The following PKD1 variants were observed in gnomAD, a reference collection of about 807,000 sequenced individuals.
The protein encoded by PKD1 is polycystin 1, transient receptor potential channel interacting.
PKD1 carries 81 observed loss-of-function variants against 361.7 expected under a neutral mutation model. That is an observed-to-expected ratio of 0.22 (90% CI 0.19 to 0.27). The LOEUF (loss-of-function observed/expected upper bound fraction) is 0.27, where lower values mean the gene tolerates loss of function less well. Among genes scored for constraint, PKD1 ranks in the 10% least tolerant of loss-of-function variants. PKD1 has a pLI of 1.00. For synonymous variants in PKD1, 3,615 were observed against 2,818.3 expected (o/e 1.28, Z -8.95); for missense variants, 6,399 against 6,118.3 (o/e 1.05, Z -1.53).
chr16:2,096,031 C>G (rs1484117321), intron 34 of PKD1, among the ~76,000 whole-genome samples: 1 of 152,222 alleles, frequency 6.6e-6, no homozygotes, highest in Non-Finnish European at 1.5e-5. Context: ...GTTCATACCT[C>G]TTTAGTTCTT....
At chr16:2,132,574 CAAAAAAAAAAA>C (rs57615937) in intron 1 of PKD1, among the ~76,000 whole-genome samples, 4 of 43,252 alleles carry the variant, frequency 9.2e-5, no homozygotes, top group African/African-American at 1.7e-4. Flanking sequence ...GACTCCGTCT[CAAAAAAAAAAA>C]AAAAAAGAAA....
chr16:2,115,794 G>C (rs1036787963), intron 9 of PKD1, among the ~76,000 whole-genome samples, 169 bp from the exon 10 acceptor site: 11 of 152,162 alleles, frequency 7.2e-5, no homozygotes, highest in African/African-American at 2.4e-4. Context: ...GACTGACCCA[G>C]GCCGGCCCCC....
chr16:2,121,149 T>C (rs1259465477), intron 1 of PKD1, among the ~76,000 whole-genome samples: 3 of 152,112 alleles, frequency 2.0e-5, no homozygotes, highest in Middle Eastern at 3.2e-3. Flanking sequence ...GCGCATCACC[T>C]GAGGTCAGGA....
Position 2,102,129 on chromosome 16 carries a change from G to T in PKD1, c.9329C>A (p.Pro3110His). Residue 3110 changes from proline (P) to histidine (H), a missense_variant, in exon 26 of 46, where the codon CCT (proline) becomes CAT (histidine). Pro to His is a moderately conservative substitution (Grantham distance 77). Coordinates refer to ENST00000262304, the MANE Select transcript of PKD1 (RefSeq NM_001009944.3). ...GAAGCGGCCCCGCTGCCCACAGAAA[G>T]GGATGGCGCGGCCCCGGCTGGCATC... ...QLDASRGRAI[P>H]FCGQRGRFKY... is the part of the protein sequence containing the mutation. The T allele has an allele frequency of 1.3e-6, 2 of 1,569,204 alleles. No homozygotes were observed. Among genetic ancestry groups the T allele is most frequent in the Non-Finnish European group, 8.7e-7 (1 of 1,150,992 alleles).
At chr16:2,104,974 G>A (rs1235365253) in intron 21 of PKD1, among the ~76,000 whole-genome samples, 3 of 80,126 alleles carry the variant, frequency 3.7e-5, no homozygotes, top group Non-Finnish European at 8.0e-5. Flanking sequence ...AGGGCTAGGG[G>A]AGGGGAGGAG....
At chr16:2,104,350 TGGG>T (rs1319125517) in intron 22 of PKD1, 145 bp downstream of exon 22, 8 of 454,468 alleles carry the variant, frequency 1.8e-5, no homozygotes, top group Middle Eastern at 5.4e-4. Flanking sequence ...GAATGGGAAT[TGGG>T]GGAGGGGGAT....
At chr16:2,125,579 G>T (rs1446650651) in intron 1 of PKD1, among the ~76,000 whole-genome samples, 1 of 152,222 alleles carries the variant, frequency 6.6e-6, no homozygotes, top group Non-Finnish European at 1.5e-5. Context: ...CTGAACGAGG[G>T]AGATGAGAAA....
chr16:2,118,752 C>T lies in PKD1; in HGVS notation c.453G>A (p.Glu151=). ...AGCCAGGCCCAGCACACGTGGCTGC[C>T]TCGGGCTGCACCACCCGCACCTGCT... is the stretch of plus-strand genomic sequence containing the variant. ...EEQQVRVVQP[E]AATCAGPGSL... is the part of the protein sequence containing the mutation. Residue 151 remains glutamate (E), a synonymous_variant, in exon 4 of 46, where the codon GAG becomes GAA. Coordinates refer to ENST00000262304, the MANE Select transcript of PKD1 (RefSeq NM_001009944.3). The surrounding 1 kb of genome is among the most constrained non-coding windows in gnomAD (Gnocchi z 6.0). 1 of 1,450,898 alleles carries T rather than the reference C, an allele frequency of 6.9e-7. No homozygotes were observed. The highest frequency in any genetic ancestry group is 9.5e-7 in the Non-Finnish European group (1 of 1,055,914). The allele number at this position is 1,450,898 out of a possible 1,614,324, so 89.9% of individuals were successfully genotyped here. A position where few individuals can be genotyped will look rare whatever the true frequency, so the allele number is the denominator to read the frequency against.
intron 1 of PKD1, chr16:2,119,827 A>C: frequency 1.4e-6 from 1 of 696,796 alleles, no homozygotes. Flanking sequence ...GACCACAACC[A>C]GGTATGACTG....
chr16:2,103,900 A>G lies in PKD1; in HGVS notation c.8162-5T>C. On this transcript the variant is annotated splice_region_variant and splice_polypyrimidine_tract_variant and intron_variant, in intron 22 of 45. Transcript: ENST00000262304. ...TGGCCAGGTGGATGAGGTCTCCTGC[A>G]GACATGCGTGAGGTCAGTGCAGAGA... 5 of 1,399,890 alleles carry G rather than the reference A, an allele frequency of 3.6e-6. No homozygotes were observed. The highest frequency in any genetic ancestry group is 3.5e-5 in the South Asian group (3 of 86,080). 86.7% of individuals were successfully genotyped at this position (1,399,890 alleles called of 1,614,324 possible). A position where few individuals can be genotyped will look rare whatever the true frequency, so the allele number is the denominator to read the frequency against.
Position 2,097,528 on chromosome 16 carries a change from G to T in PKD1, c.10221-25C>A. 6.2e-6 allele frequency: 10 copies of T among 1,602,024 alleles called. 1 individual carries two copies. The highest frequency in any genetic ancestry group is 6.8e-6 in the Non-Finnish European group (8 of 1,179,732). On this transcript the variant is annotated intron_variant, in intron 32 of 45. Transcript: ENST00000262304. ...ACTGCAGGTGGCGCGGGTCAGCAAGGTACCAGGGGATGTGTCACACACACA... is the reference window on the plus strand; with the variant it reads ...ACTGCAGGTGGCGCGGGTCAGCAAGTTACCAGGGGATGTGTCACACACACA...
In PKD1 at chr16:2,130,272, GC is replaced by G. The variant is rs2092855789; in HGVS notation, c.215+5202del. Among the ~76,000 whole-genome samples, 6 of 152,254 alleles carry G rather than the reference GC, an allele frequency of 3.9e-5. No individual in the cohort carries two copies. In the South Asian group the frequency reaches 1.0e-3, roughly 26 times the overall value. The stretch of plus-strand genomic sequence containing the variant: ...CCACTGCCTCCGCTCGGCTGCCAGG[GC>G]TCTTCCTAGAAGACACAGGCCTCTC... On this transcript the variant is annotated intron_variant, in intron 1 of 45. Transcript: ENST00000262304.
rs2092475826 is a variant in PKD1, at chr16:2,110,554, G to T, written c.4613C>A (p.Ala1538Asp). 7 of 1,611,262 alleles carry T rather than the reference G, an allele frequency of 4.3e-6. No individual in the cohort carries two copies. Among genetic ancestry groups the T allele is most frequent in the Non-Finnish European group, 5.9e-6 (7 of 1,179,818 alleles). ...CCGCTTCACCGTCACATTGAGCCAG[G>T]CCTCGCTGCGGCTCACCTCATTCCA... ...AGWNEVSRSE[A>D]WLNVTVKRRV... The change falls in exon 15 of 46, where the codon GCC becomes GAC. Residue 1538 changes from alanine to aspartate, a missense_variant. Physicochemically the swap from Ala to Asp is moderately radical, Grantham distance 126 (BLOSUM62 -2). Transcript: ENST00000262304.
In PKD1 at chr16:2,114,244, T is replaced by C. The variant is rs760607051; in HGVS notation, c.2779A>G (p.Thr927Ala). 1.9e-5 allele frequency: 30 copies of C among 1,610,076 alleles called. 1 individual carries two copies. In the Middle Eastern group the frequency reaches 1.1e-3, roughly 61 times the overall value. Residue 927 changes from threonine (T) to alanine (A), a missense_variant, in exon 11 of 46, where the codon ACG becomes GCG. By Grantham distance (58) the Thr-to-Ala change is moderately conservative. Coordinates refer to ENST00000262304, the MANE Select transcript of PKD1 (RefSeq NM_001009944.3). ...AGGCCACAGATGGGCTCCTCCGCCG[T>C]CACCCGCAGGCTGAGGTTGGCCCGG... ...ASRANLSLRVTAEEPICGLRA... is the reference protein window; with the variant it reads ...ASRANLSLRVAAEEPICGLRA...
rs775101479 is a variant in PKD1, at chr16:2,108,463, G to A, written c.6704C>T (p.Ser2235Leu). Residue 2235 changes from serine (S) to leucine (L), a missense_variant, in exon 15 of 46, where the codon TCA (serine) becomes TTA (leucine). Ser to Leu is a moderately radical substitution (Grantham distance 145, BLOSUM62 -2). Coordinates refer to ENST00000262304, the MANE Select transcript of PKD1 (RefSeq NM_001009944.3). ...CTGTGTCAGTGGCGTGTCCCCAAAT[G>A]ACACGACAAACACAAAGCAGTAGTG... is the stretch of plus-strand genomic sequence containing the variant. ...VGHYCFVFVV[S>L]FGDTPLTQSI... The A allele has an allele frequency of 1.6e-5, 25 of 1,610,448 alleles. No individual in the cohort carries two copies. The East Asian group carries it at 5.6e-4, about 36-fold the overall frequency.
In PKD1 at chr16:2,093,907, C is replaced by A. The variant is rs1177764199; in HGVS notation, c.10725G>T (p.Trp3575Cys). The change falls in exon 36 of 46, where the codon TGG (tryptophan) becomes TGT (cysteine). Residue 3575 changes from tryptophan (W) to cysteine (C), a missense_variant. By Grantham distance (215) the Trp-to-Cys change is radical. Coordinates refer to ENST00000262304, the MANE Select transcript of PKD1 (RefSeq NM_001009944.3). ...CGCCCGGGGGGAAGCTCGCACCCAC[C>A]CACCCTGAGACAGCCACAGCCACAG... ...LVAVAVAVSG[W>C]VGASFPPGVS... 1.9e-6 allele frequency: 3 copies of A among 1,580,618 alleles called. No individual in the cohort carries two copies. The highest frequency in any genetic ancestry group is 2.6e-6 in the Non-Finnish European group (3 of 1,168,344).
chr16:2,119,864 T>G (rs2092692912), intron 1 of PKD1: 3 of 700,070 alleles, frequency 4.3e-6, no homozygotes, highest in Non-Finnish European at 7.8e-6. Flanking sequence ...ACTACCAGGC[T>G]ACCAGGGAGC....
At chr16:2,112,173 C>G (rs1349192003) in intron 14 of PKD1, among the ~76,000 whole-genome samples, 167 bp downstream of exon 14, 1 of 152,226 alleles carries the variant, frequency 6.6e-6, no homozygotes, top group Non-Finnish European at 1.5e-5. Context: ...TCCACTCCCC[C>G]CACGCCTGGC....
At chr16:2,101,718 C>T (rs968681769) in intron 26 of PKD1, among the ~76,000 whole-genome samples, 4 of 152,262 alleles carry the variant, frequency 2.6e-5, no homozygotes, top group Admixed American at 6.5e-5. Flanking sequence ...AGGGTGCTGG[C>T]GCCTCCGTCT....
Sources: gnomAD v4.1 joint callset for allele counts (sites outside exome capture counted in the v4.1 genomes callset) on GRCh38, gnomAD v4.1.1 for gene constraint, Gnocchi (gnomAD v3.1) non-coding constraint, MANE v1.5 for transcripts, NCBI Gene and HGNC (gene_info 2026-07-23, HGNC 2026-07-21) for gene names.